The following PRKX variants were observed in gnomAD, a reference collection of about 807,000 sequenced individuals.
PRKX encodes cAMP-dependent protein kinase catalytic subunit PRKX.
In PRKX, 12 loss-of-function variants were observed where a neutral mutation model predicts 22.0. That is an observed-to-expected ratio of 0.54 (90% CI 0.35 to 0.88). The LOEUF is 0.88. PRKX is among the 40% of genes least tolerant of loss of function. The probability of loss-of-function intolerance (pLI) is 0.01; values close to 1 mark genes in which losing one functional copy is unlikely to be tolerated. For missense variants in PRKX, 217 were observed against 308.0 expected, an observed-to-expected ratio of 0.70 and a Z score of 2.21; for synonymous variants, 134 against 137.7, an observed-to-expected ratio of 0.97 and a Z score of 0.19.
chrX:3,665,165 T>TGTGC (rs962671618), intron 2 of PRKX, among the ~76,000 whole-genome samples: 3 of 111,731 alleles, frequency 2.7e-5, no homozygotes, highest in Non-Finnish European at 5.6e-5. Context: ...TGCTTGTGTG[T>TGTGC]GTGCGTGCTT....
chrX:3,655,707 G>A lies in PRKX; in HGVS notation c.336-295C>T, dbSNP rs895079748. On this transcript the variant is annotated intron_variant, in intron 2 of 8. Transcript: ENST00000262848. The stretch of plus-strand genomic sequence containing the variant: ...TGTACATCGGGGCTGATACATGGGT[G>A]TAAACAGTGTTACCATATGGTATTA... Among the ~76,000 whole-genome samples the A allele has an allele frequency of 4.5e-5, 5 of 112,341 alleles. No individual in the cohort carries two copies. The Admixed American group carries it at 4.7e-4, about 11-fold the overall frequency.
At position 3,605,059 on chromosome X, in the gene PRKX, A is replaced by ACACACC. The variant is rs1375814188; in HGVS notation, c.*3909_*3910insGGTGTG. 6.2e-5 allele frequency: 5 copies of ACACACC among 80,722 alleles called. No homozygotes were observed. The highest frequency in any genetic ancestry group is 1.8e-4 in the African/African-American group (4 of 22,477). The allele number at this position is 80,722 out of a possible 1,213,427, so 6.7% of individuals were successfully genotyped here. ...CACACACACACACACACACACACAC[A>ACACACC]CCCCGCAAAGAAACTATCCAAATGC... On this transcript the variant is annotated 3_prime_UTR_variant, in exon 9 of 9. Coordinates refer to ENST00000262848, the MANE Select transcript of PRKX (RefSeq NM_005044.5).
intron 1 of PRKX, among the ~76,000 whole-genome samples, chrX:3,688,614 G>C (rs1455812153): frequency 9.0e-6 from 1 of 110,918 alleles, no homozygotes; most frequent in African/African-American, 3.3e-5. Context: ...TGTAATCCCA[G>C]CACTTTAGAA....
At chrX:3,617,048 A>G (rs1926435783) in intron 6 of PRKX, among the ~76,000 whole-genome samples, 2 of 111,024 alleles carry the variant, frequency 1.8e-5, no homozygotes, top group African/African-American at 6.5e-5. Flanking sequence ...ACATACACAC[A>G]TTAATATATA....
intron 7 of PRKX, among the ~76,000 whole-genome samples, chrX:3,613,665 T>C (rs1209811420): frequency 1.9e-5 from 2 of 106,982 alleles, no homozygotes; most frequent in Non-Finnish European, 3.8e-5. Context: ...GCCAACATAG[T>C]GAAACCCCAT....
chrX:3,689,304 G>A (rs191889880), intron 1 of PRKX, among the ~76,000 whole-genome samples: 1 of 112,552 alleles, frequency 8.9e-6, no homozygotes, highest in East Asian at 2.8e-4. Flanking sequence ...TTACGAAGTC[G>A]ATTTTTGGAA....
intron 1 of PRKX, 67 bp from the exon 2 acceptor site, chrX:3,674,833 T>G (rs73440518): frequency 8.7e-6 from 10 of 1,153,102 alleles, no homozygotes; most frequent in Non-Finnish European, 1.2e-5. Context: ...ACCACAGCCA[T>G]GCAATCAGCG....
chrX:3,627,259 G>A (rs1464307763), intron 4 of PRKX, among the ~76,000 whole-genome samples: 1 of 108,985 alleles, frequency 9.2e-6, no homozygotes, highest in Non-Finnish European at 1.9e-5. Flanking sequence ...GCACGCGTCC[G>A]TAATCCCAGC....
intron 5 of PRKX, among the ~76,000 whole-genome samples, chrX:3,623,283 G>A (rs1195900490): frequency 2.7e-5 from 3 of 110,316 alleles, no homozygotes; most frequent in African/African-American, 9.9e-5. Context: ...TTAAAATACA[G>A]GGGACAGTGG....
At chrX:3,705,052 G>A (rs765250841) in intron 1 of PRKX, among the ~76,000 whole-genome samples, 12 of 111,972 alleles carry the variant, frequency 1.1e-4, no homozygotes, top group African/African-American at 3.6e-4. Context: ...CATGGACCCT[G>A]CCGCGTGGGG....
chrX:3,709,783 A>G (rs1363787398), intron 1 of PRKX, among the ~76,000 whole-genome samples: 1 of 110,903 alleles, frequency 9.0e-6, no homozygotes, highest in East Asian at 2.8e-4. Context: ...TTTCCATAAT[A>G]TCATTTTCTT....
chrX:3,630,499 G>T, intron 4 of PRKX, among the ~76,000 whole-genome samples: 1 of 111,748 alleles, frequency 8.9e-6, no homozygotes, highest in Non-Finnish European at 1.9e-5. Flanking sequence ...GGCGGAGCTT[G>T]CAGTGAGCCG....
intron 8 of PRKX, chrX:3,611,418 C>T (rs906841348): frequency 1.5e-4 from 17 of 112,232 alleles, no homozygotes; most frequent in African/African-American, 4.9e-4. Flanking sequence ...CAATATTTTG[C>T]TTCACTGGTA....
At chrX:3,609,113 G>A (rs904648407) in intron 8 of PRKX, among the ~76,000 whole-genome samples, 168 bp from the exon 9 acceptor site, 3 of 112,067 alleles carry the variant, frequency 2.7e-5, no homozygotes, top group East Asian at 5.6e-4. Context: ...ATTCTAAAAG[G>A]AGAGGCCAAT....
chrX:3,650,879 TAAAAAAAAAA>T (rs57311083), intron 3 of PRKX, among the ~76,000 whole-genome samples: 8 of 82,007 alleles, frequency 9.8e-5, no homozygotes, highest in African/African-American at 2.1e-4. Flanking sequence ...ACCCTGTCTT[TAAAAAAAAAA>T]AAAAAAAAAA....
intron 5 of PRKX, among the ~76,000 whole-genome samples, chrX:3,622,143 CA>C (rs199698914): frequency 9.7e-6 from 1 of 103,173 alleles, no homozygotes; most frequent in Non-Finnish European, 2.0e-5. Context: ...GAGTCAGTCT[CA>C]AAAAAAAACA....
intron 5 of PRKX, among the ~76,000 whole-genome samples, chrX:3,622,968 C>T (rs1926587210): frequency 1.8e-5 from 2 of 111,875 alleles, no homozygotes; most frequent in African/African-American, 6.5e-5. Flanking sequence ...CACTGGAGTG[C>T]AATTATAAGA....
intron 3 of PRKX, among the ~76,000 whole-genome samples, chrX:3,654,472 T>G (rs764806851): frequency 0.011 from 1,155 of 101,383 alleles, 21 homozygotes; most frequent in African/African-American, 0.039. Flanking sequence ...TTTTTTTTTT[T>G]TTTTTGTTTT....
chrX:3,622,690 C>T (rs1257923937), intron 5 of PRKX, among the ~76,000 whole-genome samples: 3 of 111,785 alleles, frequency 2.7e-5, no homozygotes, highest in Non-Finnish European at 3.8e-5. Flanking sequence ...ACCATCTGTC[C>T]GCCCACCTAA....
Sources: allele counts gnomAD v4.1 joint callset (sites outside exome capture counted in the v4.1 genomes callset), GRCh38; gene constraint gnomAD v4.1.1; transcripts MANE v1.5; gene names NCBI Gene and HGNC (gene_info 2026-07-23, HGNC 2026-07-21).